SPATA22: variants seen among roughly 807,000 people sequenced by gnomAD.
SPATA22 encodes the protein spermatogenesis associated 22.
SPATA22 carries 29 observed loss-of-function variants against 47.8 expected under a neutral mutation model. The observed-to-expected ratio is 0.61, with a 90% CI of 0.45 to 0.83. The LOEUF is 0.83. SPATA22 is among the 40% of genes least tolerant of loss of function. The pLI, the probability that SPATA22 is intolerant of heterozygous loss-of-function variation, is 0.00. For missense variants in SPATA22, 410 were observed against 421.7 expected (o/e 0.97, Z 0.24); for synonymous variants, 133 against 140.9 (o/e 0.94, Z 0.40).
intron 5 of SPATA22, among the ~76,000 whole-genome samples, chr17:3,453,172 T>C (rs1162930336): frequency 6.6e-6 from 1 of 152,202 alleles, no homozygotes; most frequent in African/African-American, 2.4e-5. Flanking sequence ...AAATTACCTG[T>C]CGAGTACTCT....
chr17:3,496,976 A>G (rs914417681), intron 1 of SPATA22, among the ~76,000 whole-genome samples: 3 of 152,142 alleles, frequency 2.0e-5, no homozygotes, highest in African/African-American at 2.4e-5. Context: ...TGAGGCAGGA[A>G]AATTGCTTGA....
At chr17:3,460,831 A>C (rs1300133622) in intron 5 of SPATA22, among the ~76,000 whole-genome samples, 1 of 151,856 alleles carries the variant, frequency 6.6e-6, no homozygotes, top group Non-Finnish European at 1.5e-5. Context: ...AAATGTTAAA[A>C]GTCCTCATAT....
chr17:3,463,055 A>G (rs555169465), intron 3 of SPATA22, among the ~76,000 whole-genome samples: 1 of 152,248 alleles, frequency 6.6e-6, no homozygotes, highest in East Asian at 1.9e-4. Context: ...AATTTCATCT[A>G]ATCCAATGTT....
chr17:3,479,615 G>A (rs932853214), intron 1 of SPATA22, among the ~76,000 whole-genome samples: 1 of 151,792 alleles, frequency 6.6e-6, no homozygotes, highest in Non-Finnish European at 1.5e-5. Flanking sequence ...CCATCTCAAC[G>A]TGGCCCTTTC....
At chr17:3,482,948 A>G (rs75740380) in intron 1 of SPATA22, among the ~76,000 whole-genome samples, 10,006 of 67,652 alleles carry the variant, frequency 0.15, 671 homozygotes, top group East Asian at 0.35. Context: ...CCCTCCCCCC[A>G]CCCCAATTCT....
At position 3,485,435 on chromosome 17, in the gene SPATA22, C is replaced by A. The variant is rs2073701909; in HGVS notation, c.-73-16037G>T. On this transcript the variant is annotated intron_variant, in intron 1 of 8. Coordinates refer to the SPATA22 transcript ENST00000541913. This position sits in a 1 kb window ranked among gnomAD's most constrained non-coding sequence, Gnocchi z 4.4. The stretch of plus-strand genomic sequence containing the variant: ...TAGCCAACCAGGAGAATCGCTTGAA[C>A]CCCGGAGGTGGAGGTTGCAGTGAGC... 6.6e-6 allele frequency among the ~76,000 whole-genome samples: 1 copy of A among 152,284 alleles called. No individual in the cohort carries two copies. Among genetic ancestry groups the A allele is most frequent in the Non-Finnish European group, 1.5e-5 (1 of 68,030 alleles).
At chr17:3,474,023 T>C (rs1029273143), upstream of SPATA22, 9 of 152,172 alleles carry the variant, frequency 5.9e-5, no homozygotes, top group South Asian at 2.1e-4. Context: ...AAAAATCAAG[T>C]ACACTTTGGG....
chr17:3,507,547 T>C (rs1166796541), intron 1 of SPATA22, among the ~76,000 whole-genome samples: 1 of 152,172 alleles, frequency 6.6e-6, no homozygotes, highest in African/African-American at 2.4e-5. Flanking sequence ...GTCAGAGGGG[T>C]TGCTGGTGCA....
chr17:3,506,594 A>C (rs10521121), intron 1 of SPATA22, among the ~76,000 whole-genome samples: 25,479 of 152,178 alleles, frequency 0.17, 2,503 homozygotes, highest in African/African-American at 0.28. Context: ...AACATAAGAA[A>C]GCTCAAGAGC....
At chr17:3,493,728 C>T (rs2073864105) in intron 1 of SPATA22, among the ~76,000 whole-genome samples, 1 of 152,100 alleles carries the variant, frequency 6.6e-6, no homozygotes, top group East Asian at 1.9e-4. Context: ...GAAAGCGAGC[C>T]TCAAGAAGTT....
chr17:3,485,623 T>A lies in SPATA22; in HGVS notation c.-73-16225A>T, dbSNP rs568375371. On this transcript the variant is annotated intron_variant, in intron 1 of 8. Transcript: ENST00000541913. The surrounding 1 kb of genome is among the most constrained non-coding windows in gnomAD (Gnocchi z 4.4). ...CTGGATCAGAAAGGCAAGGGATCTG[T>A]TTCTCCAAAGTGCTTGTGCTACCAG... 3.9e-5 allele frequency among the ~76,000 whole-genome samples: 6 copies of A among 152,318 alleles called. No individual in the cohort carries two copies. The highest frequency in any genetic ancestry group is 1.4e-4 in the African/African-American group (6 of 41,580).
chr17:3,470,503 A>T (rs2073403614), intron 1 of SPATA22, among the ~76,000 whole-genome samples: 1 of 152,072 alleles, frequency 6.6e-6, no homozygotes, highest in Non-Finnish European at 1.5e-5. Context: ...TAATCCCAGC[A>T]CTTTGGGAGG....
intron 1 of SPATA22, among the ~76,000 whole-genome samples, chr17:3,492,547 G>A (rs937498721): frequency 6.6e-6 from 1 of 152,144 alleles, no homozygotes; most frequent in Admixed American, 6.5e-5. Flanking sequence ...TTCCACTTCT[G>A]GAATAGCTGG....
At chr17:3,489,627 G>A (rs1288858001) in intron 1 of SPATA22, among the ~76,000 whole-genome samples, 1 of 152,154 alleles carries the variant, frequency 6.6e-6, no homozygotes, top group Non-Finnish European at 1.5e-5. Context: ...AACATCACTA[G>A]TAATTAGAGA....
chr17:3,489,364 G>C, intron 1 of SPATA22: 1 of 1,547,388 alleles, frequency 6.5e-7, no homozygotes, highest in Non-Finnish European at 8.9e-7. Context: ...TGAAGGTAAC[G>C]TTATCAAACT....
upstream of SPATA22, chr17:3,471,881 A>G (rs2073447191): frequency 3.0e-6 from 3 of 985,158 alleles, no homozygotes; most frequent in African/African-American, 1.7e-5. Context: ...GCGCGATGGC[A>G]TCTTCGCTGC....
intron 1 of SPATA22, among the ~76,000 whole-genome samples, chr17:3,495,224 C>G (rs2073890168): frequency 6.6e-6 from 1 of 152,152 alleles, no homozygotes; most frequent in African/African-American, 2.4e-5. Flanking sequence ...ACTCCCAGAC[C>G]TCAGAGATGG....
chr17:3,458,154 G>A (rs1234353230), intron 5 of SPATA22, among the ~76,000 whole-genome samples: 5 of 152,094 alleles, frequency 3.3e-5, no homozygotes, highest in Admixed American at 3.3e-4. Flanking sequence ...TTAAAGATGG[G>A]CAAAGAACCT....
Position 3,490,276 on chromosome 17 carries a change from T to G in SPATA22, c.-73-20878A>C, listed in dbSNP as rs560770288. Among the ~76,000 whole-genome samples the G allele has an allele frequency of 1.3e-5, 2 of 152,298 alleles. No individual in the cohort carries two copies. Among genetic ancestry groups the G allele is most frequent in the South Asian group, 2.1e-4 (1 of 4,826 alleles). ...TAAAAATTAATTAAACGGGGACTGG[T>G]GGACAAGGTGGGTATATGCAGCTCT... On this transcript the variant is annotated intron_variant, in intron 1 of 8. Coordinates refer to the SPATA22 transcript ENST00000541913. The surrounding 1 kb of genome is among the most constrained non-coding windows in gnomAD (Gnocchi z 4.6).
Sources: gnomAD v4.1 joint callset for allele counts (sites outside exome capture counted in the v4.1 genomes callset) on GRCh38, gnomAD v4.1.1 for gene constraint, Gnocchi (gnomAD v3.1) non-coding constraint, MANE v1.5 for transcripts, NCBI Gene and HGNC (gene_info 2026-07-23, HGNC 2026-07-21) for gene names.